The following SPRY3 variants were observed in gnomAD, a reference collection of about 807,000 sequenced individuals.
SPRY3 encodes the protein protein sprouty homolog 3.
Under a neutral mutation model 20.2 loss-of-function variants are expected in SPRY3, and 15 were observed. The ratio of observed to expected loss-of-function variants is 0.74; its 90% CI spans 0.50 to 1.14. The LOEUF is 1.14. Ranked by LOEUF, SPRY3 falls within the 50% of genes most tolerant of loss-of-function variation. SPRY3 has a pLI of 0.00. For missense variants in SPRY3, 364 were observed against 363.9 expected, an observed-to-expected ratio of 1.00 and a Z score of 0.00; for synonymous variants, 143 against 136.5, an observed-to-expected ratio of 1.05 and a Z score of -0.33.
intron 2 of SPRY3, among the ~76,000 whole-genome samples, chrX:155,726,887 C>A (rs1442330163): frequency 6.6e-6 from 1 of 152,062 alleles, no homozygotes; most frequent in Non-Finnish European, 1.5e-5. Context: ...TTATTTTGCC[C>A]ATTAGTTGAT....
intron 2 of SPRY3, among the ~76,000 whole-genome samples, chrX:155,679,425 G>T (rs1442785092): frequency 4.9e-5 from 5 of 101,851 alleles, no homozygotes; most frequent in Non-Finnish European, 9.9e-5. Context: ...GGTGCCTCTT[G>T]CTGCCTTCTC....
At chrX:155,764,065 A>G (rs1054212263) in intron 2 of SPRY3, among the ~76,000 whole-genome samples, 1 of 152,172 alleles carries the variant, frequency 6.6e-6, no homozygotes, top group Non-Finnish European at 1.5e-5. Context: ...TTGAAAATCA[A>G]TGGCTTTCAG....
Position 155,746,219 on chromosome X carries a change from G to A in SPRY3, c.-281-21743G>A, listed in dbSNP as rs192162224. Among the ~76,000 whole-genome samples, 471 of 152,094 alleles carry A rather than the reference G, an allele frequency of 3.1e-3. 2 individuals carry two copies. Among genetic ancestry groups the A allele is most frequent in the Non-Finnish European group, 5.1e-3 (344 of 67,954 alleles). On this transcript the variant is annotated intron_variant, in intron 2 of 3. Transcript: ENST00000675360. ...TACTTTCTTTTATACCTGTAAGCAA[G>A]TAAATATTAATAATCTTTTACATTG...
chrX:155,707,499 T>C (rs1211387451), intron 2 of SPRY3, among the ~76,000 whole-genome samples: 1 of 151,244 alleles, frequency 6.6e-6, no homozygotes, highest in East Asian at 1.9e-4. Flanking sequence ...ACTGGTGTTG[T>C]TCAAGTTTTC....
At chrX:155,713,770 GA>G (rs201810028) in intron 2 of SPRY3, among the ~76,000 whole-genome samples, 37,987 of 151,660 alleles carry the variant, frequency 0.25, 4,975 homozygotes, top group African/African-American at 0.4. Context: ...TAATGTCTTT[GA>G]AAAAAACTTC....
intron 2 of SPRY3, among the ~76,000 whole-genome samples, chrX:155,716,613 G>A (rs999069541): frequency 2.6e-5 from 4 of 151,132 alleles, no homozygotes; most frequent in African/African-American, 9.8e-5. Flanking sequence ...TTTTCTTTTT[G>A]TATTTTAATA....
At chrX:155,678,964 G>A (rs2068065527) in intron 2 of SPRY3, among the ~76,000 whole-genome samples, 1 of 111,202 alleles carries the variant, frequency 9.0e-6, no homozygotes, top group African/African-American at 3.3e-5. Context: ...GAATAACACC[G>A]CATGTTCTCA....
chrX:155,685,958 G>A (rs571421), intron 2 of SPRY3, among the ~76,000 whole-genome samples: 36,227 of 109,255 alleles, frequency 0.33, 5,235 homozygotes, highest in African/African-American at 0.54. Flanking sequence ...TAGTAGAGAC[G>A]GGGGTTTGGT....
chrX:155,728,289 G>A (rs995265505), intron 2 of SPRY3, among the ~76,000 whole-genome samples: 1 of 152,184 alleles, frequency 6.6e-6, no homozygotes, highest in African/African-American at 2.4e-5. Context: ...CACTTGAGGA[G>A]GCGGTCTGTT....
intron 2 of SPRY3, among the ~76,000 whole-genome samples, chrX:155,681,132 T>C (rs905174388): frequency 9.0e-6 from 1 of 111,475 alleles, no homozygotes; most frequent in African/African-American, 3.3e-5. Flanking sequence ...TCATCTTCAA[T>C]TGTACTCCCA....
intron 2 of SPRY3, among the ~76,000 whole-genome samples, chrX:155,744,443 C>T (rs1264841948): frequency 6.6e-6 from 1 of 152,092 alleles, no homozygotes; most frequent in African/African-American, 2.4e-5. Flanking sequence ...GCTCCTGCTT[C>T]CTGGAGCTGT....
intron 1 of SPRY3, among the ~76,000 whole-genome samples, chrX:155,654,068 C>T (rs2067984852): frequency 8.9e-6 from 1 of 112,102 alleles, no homozygotes; most frequent in Non-Finnish European, 1.9e-5. Flanking sequence ...ATACTTCTGA[C>T]AACTAGCTAT....
chrX:155,699,459 C>T (rs180984096), intron 2 of SPRY3, among the ~76,000 whole-genome samples: 151 of 111,662 alleles, frequency 1.4e-3, no homozygotes, highest in African/African-American at 4.8e-3. Flanking sequence ...CCTCCATGAA[C>T]CTCAACGGGT....
At chrX:155,723,592 T>G (rs903446054) in intron 2 of SPRY3, among the ~76,000 whole-genome samples, 3 of 152,232 alleles carry the variant, frequency 2.0e-5, no homozygotes, top group Non-Finnish European at 4.4e-5. Context: ...TTTTGAGAAG[T>G]ATCTGTTCAT....
chrX:155,719,438 G>C (rs1045148421), intron 2 of SPRY3, among the ~76,000 whole-genome samples: 41 of 152,096 alleles, frequency 2.7e-4, no homozygotes, highest in African/African-American at 9.7e-4. Context: ...ACTGGGCCTA[G>C]AGACAATGGA....
intron 2 of SPRY3, among the ~76,000 whole-genome samples, chrX:155,714,442 A>C (rs2124545579): frequency 6.6e-6 from 1 of 152,282 alleles, no homozygotes; most frequent in South Asian, 2.1e-4. Flanking sequence ...TGGTGGTCTT[A>C]GATAAGATCT....
intron 2 of SPRY3, among the ~76,000 whole-genome samples, chrX:155,680,262 C>T (rs1226247313): frequency 9.6e-6 from 1 of 104,005 alleles, no homozygotes; most frequent in Non-Finnish European, 2.0e-5. Context: ...AGAGATACTA[C>T]TACTACTCTG....
chrX:155,656,313 CT>C (rs2067992167), intron 1 of SPRY3, among the ~76,000 whole-genome samples: 2 of 110,890 alleles, frequency 1.8e-5, no homozygotes, highest in Non-Finnish European at 3.8e-5. Context: ...ATCTTTTTTT[CT>C]CTAATCTTGT....
At chrX:155,670,086 C>T in intron 2 of SPRY3, 1 of 111,772 alleles carries the variant, frequency 8.9e-6, no homozygotes, top group African/African-American at 3.2e-5. Context: ...GTTTTTCTTA[C>T]TATCCCCATT....
Sources: allele counts gnomAD v4.1 joint callset (sites outside exome capture counted in the v4.1 genomes callset), GRCh38; gene constraint gnomAD v4.1.1; transcripts MANE v1.5; gene names NCBI Gene and HGNC (gene_info 2026-07-23, HGNC 2026-07-21).